The following MCC variants were observed in gnomAD, a reference collection of about 807,000 sequenced individuals.
MCC encodes MCC regulator of Wnt signaling pathway, also known as colorectal mutant cancer protein.
In MCC, 90 loss-of-function variants were observed where a neutral mutation model predicts 116.2. The observed-to-expected ratio is 0.77, with a 90% CI of 0.65 to 0.92. The LOEUF is 0.92. MCC is among the 40% of genes least tolerant of loss of function. MCC has a pLI of 0.00. For missense variants in MCC, 1,516 were observed against 1,312.2 expected (o/e 1.16, Z -2.40); for synonymous variants, 578 against 510.5 (o/e 1.13, Z -1.78).
chr5:113,208,685 A>G (rs1436703210), intron 3 of MCC, among the ~76,000 whole-genome samples: 1 of 152,220 alleles, frequency 6.6e-6, no homozygotes, highest in Non-Finnish European at 1.5e-5. Flanking sequence ...CTAGAAACTG[A>G]GGCAAAGAGG....
chr5:113,245,403 G>GT (rs989421797), intron 3 of MCC, among the ~76,000 whole-genome samples: 56 of 149,890 alleles, frequency 3.7e-4, no homozygotes, highest in African/African-American at 1.1e-3. Context: ...CAAGTCATCT[G>GT]TTTTTTTTTA....
chr5:113,220,401 G>C (rs1343410107), intron 3 of MCC, among the ~76,000 whole-genome samples: 1 of 151,866 alleles, frequency 6.6e-6, no homozygotes, highest in Non-Finnish European at 1.5e-5. Flanking sequence ...GATTTTAATT[G>C]AGATCTATAG....
chr5:113,313,666 T>C (rs1767194316), intron 3 of MCC, among the ~76,000 whole-genome samples: 1 of 152,204 alleles, frequency 6.6e-6, no homozygotes, highest in African/African-American at 2.4e-5. Context: ...GGATGTTCTT[T>C]ATGCATCATC....
Position 113,085,209 on chromosome 5 carries a change from C to T in MCC, c.1500G>A (p.Gly500=), listed in dbSNP as rs536926423. 20 of 1,614,084 alleles carry T rather than the reference C, an allele frequency of 1.2e-5. No individual in the cohort carries two copies. The highest frequency in any genetic ancestry group is 2.7e-5 in the African/African-American group (2 of 74,914). ...STNRPINPST[G]ELSTSSSSND... is the part of the protein sequence containing the mutation. The stretch of plus-strand genomic sequence containing the variant: ...TGCTGCTGCTGCTTGTGCTCAGCTC[C>T]CCAGTGCTGGGGTTAATCGGGCGGT... Residue 500 remains glycine (G), a synonymous_variant, in exon 9 of 19, where the codon GGG becomes GGA. Coordinates refer to ENST00000408903, the MANE Select transcript of MCC (RefSeq NM_001085377.2).
At chr5:113,371,306 G>A (rs1002027179) in intron 2 of MCC, among the ~76,000 whole-genome samples, 13 of 152,156 alleles carry the variant, frequency 8.5e-5, no homozygotes, top group African/African-American at 3.1e-4. Flanking sequence ...TTAGTTTTGT[G>A]ACCTCAGCAA....
chr5:113,046,219 G>A (rs1231704798), intron 16 of MCC, among the ~76,000 whole-genome samples: 1 of 151,278 alleles, frequency 6.6e-6, no homozygotes, highest in Non-Finnish European at 1.5e-5. Flanking sequence ...TTGAGACAGA[G>A]TCTGACTCTG....
At chr5:113,218,977 AAT>A (rs1466368331) in intron 3 of MCC, among the ~76,000 whole-genome samples, 15 of 152,324 alleles carry the variant, frequency 9.8e-5, no homozygotes, top group African/African-American at 3.6e-4. Context: ...TTTGGTTTTG[AAT>A]GGGAGTAAAG....
intron 2 of MCC, among the ~76,000 whole-genome samples, chr5:113,381,082 G>C (rs780760161): frequency 2.0e-5 from 3 of 152,138 alleles, no homozygotes; most frequent in African/African-American, 4.8e-5. Context: ...GCCAAGGAAG[G>C]GGCCAGGGAG....
chr5:113,182,789 G>A (rs1761697466), intron 3 of MCC, among the ~76,000 whole-genome samples: 1 of 152,190 alleles, frequency 6.6e-6, no homozygotes, highest in Admixed American at 6.5e-5. Context: ...TGGCACACAG[G>A]GGCACTCAAT....
intron 3 of MCC, among the ~76,000 whole-genome samples, chr5:113,206,774 T>G (rs1034421746): frequency 2.3e-4 from 35 of 152,238 alleles, no homozygotes; most frequent in African/African-American, 7.7e-4. Context: ...ATCTTGTACT[T>G]AAAAAGTAAG....
Position 113,218,138 on chromosome 5 carries a change from G to T in MCC, c.628-66716C>A, listed in dbSNP as rs1354121881. Among the ~76,000 whole-genome samples the T allele has an allele frequency of 2.1e-5, 3 of 145,948 alleles. No individual in the cohort carries two copies. In the East Asian group the frequency reaches 6.1e-4, roughly 30 times the overall value. ...GAAACTGGGGGGAGTATGGAGAGTG[G>T]GGGGGTGGGGGAGCCCTTTACCCAG... is the stretch of plus-strand genomic sequence containing the variant. On this transcript the variant is annotated intron_variant, in intron 3 of 18. Coordinates refer to ENST00000408903, the MANE Select transcript of MCC (RefSeq NM_001085377.2).
At chr5:113,463,158 G>A (rs6883441) in intron 1 of MCC, among the ~76,000 whole-genome samples, 30,924 of 152,068 alleles carry the variant, frequency 0.2, 3,617 homozygotes, top group Admixed American at 0.33. Flanking sequence ...CAGAAAAGAA[G>A]AGAGTGGTTG....
chr5:113,344,773 AAT>A (rs1301756257), intron 2 of MCC, among the ~76,000 whole-genome samples: 1 of 151,994 alleles, frequency 6.6e-6, no homozygotes, highest in Non-Finnish European at 1.5e-5. Context: ...GGCCCCGAAT[AAT>A]CAGTAGTAGT....
intron 2 of MCC, among the ~76,000 whole-genome samples, chr5:113,378,463 T>G (rs2150391347): frequency 6.6e-6 from 1 of 152,350 alleles, no homozygotes; most frequent in Admixed American, 6.5e-5. Flanking sequence ...TGTTCTAATC[T>G]TAGTATAAAT....
At chr5:113,197,958 G>A (rs1254933670) in intron 3 of MCC, among the ~76,000 whole-genome samples, 2 of 152,230 alleles carry the variant, frequency 1.3e-5, no homozygotes, top group African/African-American at 4.8e-5. Context: ...AAGTGTGTCT[G>A]ATAAGCATCT....
At chr5:113,308,670 A>G (rs1257726579) in intron 3 of MCC, among the ~76,000 whole-genome samples, 2 of 152,054 alleles carry the variant, frequency 1.3e-5, no homozygotes, top group South Asian at 4.1e-4. Flanking sequence ...CAGAAAATCT[A>G]ACAAAAATTA....
intron 11 of MCC, among the ~76,000 whole-genome samples, chr5:113,080,184 AAC>A (rs1286338331): frequency 6.6e-6 from 1 of 152,246 alleles, no homozygotes; most frequent in Non-Finnish European, 1.5e-5. Flanking sequence ...GAGAAACAGG[AAC>A]ACTTTTACAC....
chr5:113,280,572 C>T (rs952570904), intron 3 of MCC, among the ~76,000 whole-genome samples: 3 of 152,062 alleles, frequency 2.0e-5, no homozygotes, highest in African/African-American at 7.2e-5. Flanking sequence ...ACTTGGCACT[C>T]ACCAGGAGTT....
At chr5:113,396,302 T>C (rs771302016) in intron 1 of MCC, among the ~76,000 whole-genome samples, 28 of 152,028 alleles carry the variant, frequency 1.8e-4, no homozygotes, top group Admixed American at 9.8e-4. Flanking sequence ...CACTCCAACC[T>C]GGGCGAAAGA....
Sources: gnomAD v4.1 joint callset for allele counts (sites outside exome capture counted in the v4.1 genomes callset) on GRCh38, gnomAD v4.1.1 for gene constraint, MANE v1.5 for transcripts, NCBI Gene and HGNC (gene_info 2026-07-23, HGNC 2026-07-21) for gene names.